ADAM22: variants seen among roughly 807,000 people sequenced by gnomAD.
The protein encoded by ADAM22 is ADAM metallopeptidase domain 22, also known as disintegrin and metalloproteinase domain-containing protein 22.
Under a neutral mutation model 144.6 loss-of-function variants are expected in ADAM22, and 65 were observed. The ratio of observed to expected loss-of-function variants is 0.45; its 90% CI spans 0.37 to 0.55. The LOEUF is 0.55. Among genes scored for constraint, ADAM22 ranks in the 20% least tolerant of loss-of-function variants. ADAM22 has a pLI of 0.00. For synonymous variants in ADAM22, 391 were observed against 412.6 expected, an observed-to-expected ratio of 0.95 and a Z score of 0.63; for missense variants, 974 against 1,184.9, an observed-to-expected ratio of 0.82 and a Z score of 2.61.
chr7:88,046,290 T>C (rs1235105243), intron 3 of ADAM22, among the ~76,000 whole-genome samples: 1 of 152,266 alleles, frequency 6.6e-6, no homozygotes, highest in Non-Finnish European at 1.5e-5. Flanking sequence ...TATCTCATTG[T>C]GGTTTCACTT....
intron 30 of ADAM22, 58 bp from the exon 31 acceptor site, chr7:88,193,058 A>T: frequency 1.2e-6 from 2 of 1,607,320 alleles, no homozygotes; most frequent in Non-Finnish European, 1.7e-6. Context: ...CACTTTTCAG[A>T]TATTTGAAAA....
At chr7:88,074,905 G>A (rs1452825283) in intron 3 of ADAM22, among the ~76,000 whole-genome samples, 3 of 152,060 alleles carry the variant, frequency 2.0e-5, no homozygotes, top group East Asian at 3.9e-4. Flanking sequence ...TATTAATAGA[G>A]CAACACTAGA....
chr7:88,021,770 A>G (rs1431914825), intron 3 of ADAM22, among the ~76,000 whole-genome samples: 1 of 152,184 alleles, frequency 6.6e-6, no homozygotes, highest in Non-Finnish European at 1.5e-5. Context: ...GAGTGGAGCC[A>G]TGACTTTCAG....
intron 20 of ADAM22, among the ~76,000 whole-genome samples, chr7:88,151,911 A>G (rs1740050125): frequency 6.6e-6 from 1 of 152,194 alleles, no homozygotes; most frequent in South Asian, 2.1e-4. Context: ...ATTATACTCT[A>G]TTTAAATGTT....
intron 4 of ADAM22, among the ~76,000 whole-genome samples, chr7:88,079,064 A>G (rs1815630450): frequency 6.6e-6 from 1 of 152,216 alleles, no homozygotes; most frequent in Admixed American, 6.5e-5. Flanking sequence ...CAAAGTTGAA[A>G]TGAAGGAAAA....
At chr7:88,087,573 G>A (rs998014772) in intron 4 of ADAM22, among the ~76,000 whole-genome samples, 2 of 151,178 alleles carry the variant, frequency 1.3e-5, no homozygotes, top group Non-Finnish European at 1.5e-5. Context: ...TTTTCTTGTG[G>A]CCAAAAAGTA....
At chr7:88,029,152 T>C (rs774958041) in intron 3 of ADAM22, among the ~76,000 whole-genome samples, 18 of 152,080 alleles carry the variant, frequency 1.2e-4, no homozygotes, top group Non-Finnish European at 2.4e-4. Context: ...GGTTGTTTTA[T>C]GGTCTTTTCT....
intron 3 of ADAM22, among the ~76,000 whole-genome samples, chr7:87,983,367 A>G (rs1001824776): frequency 6.6e-6 from 1 of 152,114 alleles, no homozygotes; most frequent in Non-Finnish European, 1.5e-5. Flanking sequence ...TTTTGTTTTT[A>G]TAGGCCCTGA....
chr7:87,962,503 A>G lies in ADAM22; in HGVS notation c.247-15833A>G, dbSNP rs771617328. 5.9e-5 allele frequency among the ~76,000 whole-genome samples: 9 copies of G among 152,334 alleles called. 1 individual carries two copies. Among genetic ancestry groups the G allele is most frequent in the Admixed American group, 3.3e-4 (5 of 15,300 alleles). ...TCATCTGGAAGTGACAAGGGAAGCAAGAACAATTCTGATTCCTGAATACAA... is the reference window on the plus strand; with the variant it reads ...TCATCTGGAAGTGACAAGGGAAGCAGGAACAATTCTGATTCCTGAATACAA... On this transcript the variant is annotated intron_variant, in intron 2 of 31. Transcript: ENST00000413139.
intron 7 of ADAM22, among the ~76,000 whole-genome samples, chr7:88,118,282 T>G (rs1828314430): frequency 3.3e-5 from 5 of 152,216 alleles, no homozygotes; most frequent in Non-Finnish European, 7.3e-5. Context: ...AAATGAAGTT[T>G]GTAACTCCTT....
intron 26 of ADAM22, among the ~76,000 whole-genome samples, chr7:88,172,598 T>C (rs112129416): frequency 6.6e-6 from 1 of 151,936 alleles, no homozygotes; most frequent in Non-Finnish European, 1.5e-5. Flanking sequence ...TTTAAATAAA[T>C]TAAAATTCCC....
At chr7:88,055,323 G>C (rs1258650035) in intron 3 of ADAM22, among the ~76,000 whole-genome samples, 4 of 151,844 alleles carry the variant, frequency 2.6e-5, no homozygotes, top group African/African-American at 4.8e-5. Flanking sequence ...CTTGGGGTCA[G>C]GAAGTAGAGA....
intron 2 of ADAM22, among the ~76,000 whole-genome samples, chr7:87,970,274 G>T (rs1850121182): frequency 6.6e-6 from 1 of 152,072 alleles, no homozygotes; most frequent in South Asian, 2.1e-4. Context: ...TTAAACTGAA[G>T]ATGTTAGACT....
At chr7:88,168,357 G>A in intron 25 of ADAM22, 130 bp downstream of exon 25, 1 of 862,060 alleles carries the variant, frequency 1.2e-6, no homozygotes, top group East Asian at 2.5e-5. Context: ...TGGCTCAGCA[G>A]CCAGTCAATG....
intron 3 of ADAM22, among the ~76,000 whole-genome samples, chr7:87,993,684 T>G (rs1411617174): frequency 6.6e-6 from 1 of 152,238 alleles, no homozygotes; most frequent in Non-Finnish European, 1.5e-5. Flanking sequence ...TTACCTCTTC[T>G]CTGATAAATC....
intron 7 of ADAM22, among the ~76,000 whole-genome samples, chr7:88,124,054 A>G (rs1438722890): frequency 6.6e-6 from 1 of 151,926 alleles, no homozygotes; most frequent in Non-Finnish European, 1.5e-5. Context: ...GTCTTGGTGA[A>G]TGTTTCATGT....
intron 3 of ADAM22, among the ~76,000 whole-genome samples, chr7:88,007,831 A>C (rs1006357704): frequency 9.2e-5 from 14 of 152,262 alleles, no homozygotes; most frequent in African/African-American, 2.9e-4. Flanking sequence ...TTCTGGACAT[A>C]GGCATGGGCA....
At chr7:88,057,582 TA>T (rs1428125186) in intron 3 of ADAM22, among the ~76,000 whole-genome samples, 4 of 152,220 alleles carry the variant, frequency 2.6e-5, no homozygotes, top group Non-Finnish European at 5.9e-5. Flanking sequence ...AGTTCTGTTA[TA>T]ATAAGGAAAA....
At chr7:87,989,199 G>T (rs1319269239) in intron 3 of ADAM22, among the ~76,000 whole-genome samples, 1 of 152,048 alleles carries the variant, frequency 6.6e-6, no homozygotes, top group East Asian at 1.9e-4. Context: ...TTATGAATGG[G>T]TTCTTTAATT....
Sources: gnomAD v4.1 joint callset for allele counts (sites outside exome capture counted in the v4.1 genomes callset) on GRCh38, gnomAD v4.1.1 for gene constraint, MANE v1.5 for transcripts, NCBI Gene and HGNC (gene_info 2026-07-23, HGNC 2026-07-21) for gene names.